Variants in GET4 observed in about 807,000 individuals in gnomAD.
GET4 encodes the protein guided entry of tail-anchored proteins factor 4.
GET4 carries 20 observed loss-of-function variants against 40.0 expected under a neutral mutation model. The observed-to-expected ratio is 0.50, with a 90% CI of 0.35 to 0.73. The LOEUF is 0.73. Ranked by LOEUF, GET4 falls within the 30% of genes least tolerant of loss-of-function variation. The pLI is 0.01. For missense variants in GET4, 557 were observed against 454.0 expected (o/e 1.23, Z -2.06); for synonymous variants, 280 against 194.6 (o/e 1.44, Z -3.65).
At chr7:894,043 A>G (rs906314713) in intron 8 of GET4, 72 bp downstream of exon 8, 2 of 972,414 alleles carry the variant, frequency 2.1e-6, no homozygotes, top group African/African-American at 1.6e-5. Flanking sequence ...CTGCCCAGGC[A>G]GGTCCAGTGC....
At chr7:878,066 A>G (rs1844004467) in intron 1 of GET4, 1 of 322,506 alleles carries the variant, frequency 3.1e-6, no homozygotes, top group South Asian at 2.4e-5. Context: ...TGAGGGTGAA[A>G]CCGCTTCTCT....
At chr7:887,668 C>T (rs1301927673) in intron 4 of GET4, 149 bp downstream of exon 4, 1 of 550,754 alleles carries the variant, frequency 1.8e-6, no homozygotes, top group Non-Finnish European at 2.8e-6. Flanking sequence ...GACCCATGCG[C>T]CATGCTAAGC....
Position 889,819 on chromosome 7 carries a change from G to A in GET4, c.467-1109G>A, listed in dbSNP as rs1449605850. On this transcript the variant is annotated intron_variant, in intron 4 of 8. Coordinates refer to ENST00000265857, the MANE Select transcript of GET4 (RefSeq NM_015949.3). Reference sequence around the variant, plus strand: ...AGGGAGCGAGAGCGGGTGTTAGGACGGGGTCTGGGAGTGGAGGGAGCGCGA... The same window carrying A: ...AGGGAGCGAGAGCGGGTGTTAGGACAGGGTCTGGGAGTGGAGGGAGCGCGA... Among the ~76,000 whole-genome samples, 4 of 32,230 alleles carry A rather than the reference G, an allele frequency of 1.2e-4. 1 individual carries two copies. Among genetic ancestry groups the A allele is most frequent in the Non-Finnish European group, 1.7e-4 (3 of 17,224 alleles). The allele number at this position is 32,230 out of a possible 152,430, so 21.1% of individuals were successfully genotyped here.
chr7:888,185 A>C (rs1199966176), intron 4 of GET4, among the ~76,000 whole-genome samples: 1 of 152,168 alleles, frequency 6.6e-6, no homozygotes, highest in Non-Finnish European at 1.5e-5. Context: ...GGCGGCACCC[A>C]GGGCAGCCCC....
rs771455586 is a variant in GET4 at position 892,312 on chromosome 7, G to A, written c.640G>A (p.Val214Met). 5 of 1,592,740 alleles carry A rather than the reference G, an allele frequency of 3.1e-6. No homozygotes were observed. In the South Asian group the frequency reaches 3.3e-5, roughly 11 times the overall value. The change falls in exon 6 of 9, where the codon GTG (valine) becomes ATG (methionine). Residue 214 changes from valine (V) to methionine (M), a missense_variant. Transcript: ENST00000265857. ...TTTAAAAAACAAAAGTAGCGCATCG[G>A]TGGTCTTCACGACGTACACCCAGAA... The part of the protein sequence containing the change: ...LCLKNKSSAS[V>M]VFTTYTQKHP...
At chr7:882,687 C>T (rs545011219) in intron 1 of GET4, 7 of 152,604 alleles carry the variant, frequency 4.6e-5, no homozygotes, top group East Asian at 1.9e-4. Flanking sequence ...GACCTTGCCC[C>T]GGGGATGGCG....
In GET4 at chr7:892,330, A is replaced by G. The variant is rs775822734; in HGVS notation, c.658A>G (p.Thr220Ala). 1 of 1,595,614 alleles carries G rather than the reference A, an allele frequency of 6.3e-7. No homozygotes were observed. ...SSASVVFTTYTQKHPSIEDGP... is the reference protein window; with the variant it reads ...SSASVVFTTYAQKHPSIEDGP... ...CGCATCGGTGGTCTTCACGACGTACACCCAGAAGCACCCGTCCATCGAGGA... is the reference window on the plus strand; with the variant it reads ...CGCATCGGTGGTCTTCACGACGTACGCCCAGAAGCACCCGTCCATCGAGGA... The change falls in exon 6 of 9, where the codon ACC becomes GCC. Residue 220 changes from threonine to alanine, a missense_variant. Coordinates refer to ENST00000265857, the MANE Select transcript of GET4 (RefSeq NM_015949.3).
chr7:891,013 G>T lies in GET4; in HGVS notation c.552G>T (p.Thr184=). The T allele has an allele frequency of 6.2e-7, 1 of 1,611,254 alleles. No individual in the cohort carries two copies. The stretch of plus-strand genomic sequence containing the variant: ...CCAACATGCTGGTGGAGTATTCCAC[G>T]TCCCGCGGCTTCCGCAGCGAGGTGG... ...GCANMLVEYS[T]SRGFRSEVDM... Residue 184 remains threonine, a synonymous_variant, in exon 5 of 9, where the codon ACG becomes ACT. Transcript: ENST00000265857.
At chr7:887,184 G>T in intron 3 of GET4, 186 bp from the exon 4 acceptor site, 1 of 760,686 alleles carries the variant, frequency 1.3e-6, no homozygotes. Flanking sequence ...GCTGTGCTCT[G>T]GGGCACATGG....
At chr7:892,039 C>T (rs539937724) in intron 5 of GET4, among the ~76,000 whole-genome samples, 48 of 152,360 alleles carry the variant, frequency 3.2e-4, no homozygotes, top group African/African-American at 8.7e-4. Flanking sequence ...GGCTGGGGCC[C>T]GGCTCCAGAG....
At chr7:884,877 A>G (rs1585492630) in intron 1 of GET4, 1 of 152,998 alleles carries the variant, frequency 6.5e-6, no homozygotes. Context: ...GACTACCCGG[A>G]CTCAAGCAGT....
At chr7:890,732 A>T (rs1844301634) in intron 4 of GET4, among the ~76,000 whole-genome samples, 196 bp from the exon 5 acceptor site, 1 of 151,968 alleles carries the variant, frequency 6.6e-6, no homozygotes. Flanking sequence ...TTCCCCGTGG[A>T]TCTGTTGATT....
rs149198641 is a variant in GET4, at chr7:893,516, G to C, written c.747-224G>C. ...TTGGGTGCGGGCATGGTGGTTGCAGGTGAGTGTTGGGTGTAGGCGTGGTGG... is the reference window on the plus strand; with the variant it reads ...TTGGGTGCGGGCATGGTGGTTGCAGCTGAGTGTTGGGTGTAGGCGTGGTGG... On this transcript the variant is annotated intron_variant, in intron 6 of 8. Transcript: ENST00000265857. 4.4e-5 allele frequency among the ~76,000 whole-genome samples: 6 copies of C among 134,926 alleles called. No individual in the cohort carries two copies. In the East Asian group the frequency reaches 1.5e-3, roughly 33 times the overall value. The allele number at this position is 134,926 out of a possible 152,430, so 88.5% of individuals were successfully genotyped here. A position where few individuals can be genotyped will look rare whatever the true frequency, so the allele number is the denominator to read the frequency against.
rs750918390 is a variant in GET4, at chr7:891,016, C to G, written c.555C>G (p.Ser185=). The change falls in exon 5 of 9, where the codon TCC becomes TCG. Residue 185 remains serine, a synonymous_variant. Transcript: ENST00000265857. The part of the protein sequence containing the change: ...CANMLVEYST[S]RGFRSEVDMF... ...ACATGCTGGTGGAGTATTCCACGTC[C>G]CGCGGCTTCCGCAGCGAGGTGGACA... 1 of 1,610,904 alleles carries G rather than the reference C, an allele frequency of 6.2e-7. No homozygotes were observed.
rs1005564268 is a variant in GET4, at chr7:896,279, A to C, written c.*857A>C. The C allele has an allele frequency of 3.3e-5, 5 of 152,226 alleles. No individual in the cohort carries two copies. 9.4% of individuals were successfully genotyped at this position (152,226 alleles called of 1,614,324 possible). Reference sequence around the variant, plus strand: ...CAAATGTTACCAGAACGATGACAAAAGGGGAGACGCTCTATTTTTTCACAG... The same window carrying C: ...CAAATGTTACCAGAACGATGACAAACGGGGAGACGCTCTATTTTTTCACAG... On this transcript the variant is annotated 3_prime_UTR_variant, in exon 9 of 9. Transcript: ENST00000265857.
intron 8 of GET4, among the ~76,000 whole-genome samples, chr7:894,417 C>G (rs1844421501): frequency 1.3e-5 from 2 of 152,274 alleles, no homozygotes; most frequent in South Asian, 4.1e-4. Context: ...AGAGGCCCCT[C>G]ACTGAGCCGC....
chr7:884,655 CT>C, intron 1 of GET4: 1 of 204,748 alleles, frequency 4.9e-6, no homozygotes, highest in Non-Finnish European at 1.0e-5. Context: ...AAGAGGAGCC[CT>C]TTTCTGTGGT....
At chr7:893,129 C>T (rs1297262451) in intron 6 of GET4, among the ~76,000 whole-genome samples, 7 of 107,982 alleles carry the variant, frequency 6.5e-5, no homozygotes, top group African/African-American at 7.6e-5. Context: ...TGGGTGTAGG[C>T]GTGGTGTGTG....
chr7:895,472 G>GT lies in GET4; in HGVS notation c.*53dup. The GT allele has an allele frequency of 1.0e-6, 1 of 981,068 alleles. No individual in the cohort carries two copies. Among genetic ancestry groups the GT allele is most frequent in the African/African-American group, 1.6e-5 (1 of 62,316 alleles). 60.8% of individuals were successfully genotyped at this position (981,068 alleles called of 1,614,324 possible). On this transcript the variant is annotated 3_prime_UTR_variant, in exon 9 of 9. Coordinates refer to ENST00000265857, the MANE Select transcript of GET4 (RefSeq NM_015949.3). ...CACGGTCGACGACGGCTGGAGGGAC[G>GT]TTTCAGAGGCGAGTCCTGGGTGGCT... is the stretch of plus-strand genomic sequence containing the variant.
Sources: allele counts gnomAD v4.1 joint callset (sites outside exome capture counted in the v4.1 genomes callset), GRCh38; gene constraint gnomAD v4.1.1; transcripts MANE v1.5; gene names NCBI Gene and HGNC (gene_info 2026-07-23, HGNC 2026-07-21).